The following YBX3 variants were observed in gnomAD, a reference collection of about 807,000 sequenced individuals.
The protein encoded by YBX3 is Y-box-binding protein 3.
A neutral mutation model predicts 42.4 loss-of-function variants in YBX3; 29 were observed. That is an observed-to-expected ratio of 0.68 (90% CI 0.51 to 0.93). YBX3 has a LOEUF of 0.93. YBX3 is among the 40% of genes least tolerant of loss of function. YBX3 has a pLI of 0.00. For missense variants in YBX3, 517 were observed against 527.5 expected (o/e 0.98, Z 0.19); for synonymous variants, 195 against 189.8 (o/e 1.03, Z -0.22).
At chr12:10,700,602 G>A (rs1354887019) in intron 9 of YBX3, among the ~76,000 whole-genome samples, 1 of 152,080 alleles carries the variant, frequency 6.6e-6, no homozygotes, top group Non-Finnish European at 1.5e-5. Flanking sequence ...TTTACGAGAG[G>A]TTATTCTTTA....
intron 3 of YBX3, 43 bp from the exon 4 acceptor site, chr12:10,715,826 A>G: frequency 6.6e-7 from 1 of 1,525,826 alleles, no homozygotes; most frequent in Non-Finnish European, 9.1e-7. Context: ...ATATTTCAAT[A>G]TTGGCCACAG....
At chr12:10,722,711 C>G (rs1033470779) in intron 1 of YBX3, 139 bp downstream of exon 1, 26 of 800,432 alleles carry the variant, frequency 3.2e-5, no homozygotes, top group Non-Finnish European at 4.2e-5. Flanking sequence ...CCCCTGGGGA[C>G]CCGGAGATCC....
Position 10,710,040 on chromosome 12 carries a change from G to A in YBX3, c.648C>T (p.Phe216=), listed in dbSNP as rs375833820. ...GGCGCAGCTGATTCCGGGCCCCAGA[G>A]AACTGCCTATCAGTGGCAGGGGGGT... The part of the protein sequence containing the change: ...GFDPPATDRQ[F]SGARNQLRRP... The change falls in exon 6 of 10, where the codon TTC becomes TTT. Residue 216 remains phenylalanine, a synonymous_variant. Transcript: ENST00000228251. 33 of 1,614,152 alleles carry A rather than the reference G, an allele frequency of 2.0e-5. No homozygotes were observed. Among genetic ancestry groups the A allele is most frequent in the Non-Finnish European group, 2.8e-5 (33 of 1,180,002 alleles).
intron 3 of YBX3, 164 bp from the exon 4 acceptor site, chr12:10,715,947 C>G (rs922438919): frequency 6.6e-6 from 4 of 603,840 alleles, no homozygotes; most frequent in Non-Finnish European, 1.2e-5. Flanking sequence ...AACAAGAAAG[C>G]ACTATAAAAC....
At chr12:10,709,322 C>A (rs1344993658) in intron 6 of YBX3, among the ~76,000 whole-genome samples, 1 of 152,156 alleles carries the variant, frequency 6.6e-6, no homozygotes, top group South Asian at 2.1e-4. Flanking sequence ...AACAGCTGTA[C>A]TAATATTCTG....
At chr12:10,713,113 CAGGAGAA>C in intron 5 of YBX3, 91 bp downstream of exon 5, 1 of 1,332,750 alleles carries the variant, frequency 7.5e-7, no homozygotes, top group Non-Finnish European at 9.9e-7. Flanking sequence ...CATTTGTCTC[CAGGAGAA>C]GACAAGGCAT....
intron 5 of YBX3, chr12:10,711,047 G>C (rs1438464650): frequency 1.3e-5 from 2 of 152,518 alleles, no homozygotes; most frequent in African/African-American, 4.8e-5. Flanking sequence ...ATATGTTTAG[G>C]AGTAAAGCTT....
In YBX3 at chr12:10,704,051, C is replaced by T; in HGVS notation, c.878G>A (p.Ser293Asn). ...RNPTYRPRYR[S>N]RGPPRPRPAP... is the part of the protein sequence containing the mutation. ...GCCATTAGTGGAAAATGCGACATACCTACGGTACCTTGGGCGGTAAGTTGG... is the reference window on the plus strand; with the variant it reads ...GCCATTAGTGGAAAATGCGACATACTTACGGTACCTTGGGCGGTAAGTTGG... The change falls in exon 7 of 10, where the codon AGC becomes AAC. Residue 293 changes from serine (S) to asparagine (N), a missense_variant and splice_region_variant. By Grantham distance (46) the Ser-to-Asn change is conservative. Coordinates refer to ENST00000228251, the MANE Select transcript of YBX3 (RefSeq NM_003651.5). 1 of 1,614,130 alleles carries T rather than the reference C, an allele frequency of 6.2e-7. No homozygotes were observed. The highest frequency in any genetic ancestry group is 8.5e-7 in the Non-Finnish European group (1 of 1,180,010).
rs1126501 is a variant in YBX3, at chr12:10,722,889, T to C, written c.223A>G (p.Thr75Ala). 0.19 allele frequency: 283,440 copies of C among 1,471,404 alleles called. 30,257 individuals are homozygous for C. The highest frequency in any genetic ancestry group is 0.48 in the East Asian group (17,195 of 35,596). The allele number at this position is 1,471,404 out of a possible 1,614,324, so 91.1% of individuals were successfully genotyped here. ...TCCGCGTCTTCGCTGCCGGCGGCGG[T>C]GGCTAAAGAGGCGGCGGCCGCGGTG... Reference protein sequence around the residue: ...TGTAAAASLATAAGSEDAEKK... With the variant: ...TGTAAAASLAAAAGSEDAEKK... Residue 75 changes from threonine (T) to alanine (A), a missense_variant, in exon 1 of 10, where the codon ACC becomes GCC. Physicochemically the swap from Thr to Ala is moderately conservative, Grantham distance 58. Around this residue, in one of 3 missense-constraint regions of YBX3, gnomAD observed 11 missense variants for 36.5 expected, o/e 0.30. Transcript: ENST00000228251.
chr12:10,705,573 G>A (rs1188521243), intron 6 of YBX3, among the ~76,000 whole-genome samples: 2 of 152,142 alleles, frequency 1.3e-5, no homozygotes, highest in Admixed American at 1.3e-4. Flanking sequence ...GTTTCAATTT[G>A]TGCCATTACT....
At position 10,722,843 on chromosome 12, in the gene YBX3, G is replaced by C. The variant is rs759294495; in HGVS notation, c.262+7C>G. On this transcript the variant is annotated splice_region_variant and intron_variant, in intron 1 of 9. Coordinates refer to ENST00000228251, the MANE Select transcript of YBX3 (RefSeq NM_003651.5). Reference sequence around the variant, plus strand: ...CGGCAGCCCCTGCCCTCCCTGGCCTGACTCACCGAGAACTTTTTTCTCCGC... The same window carrying C: ...CGGCAGCCCCTGCCCTCCCTGGCCTCACTCACCGAGAACTTTTTTCTCCGC... 1 of 1,481,324 alleles carries C rather than the reference G, an allele frequency of 6.8e-7. No homozygotes were observed. Among genetic ancestry groups the C allele is most frequent in the Non-Finnish European group, 9.0e-7 (1 of 1,115,672 alleles). 91.8% of individuals were successfully genotyped at this position (1,481,324 alleles called of 1,614,324 possible).
Position 10,699,154 on chromosome 12 carries a change from A to G in YBX3, c.*535T>C, listed in dbSNP as rs1408727042. On this transcript the variant is annotated 3_prime_UTR_variant, in exon 10 of 10. Coordinates refer to ENST00000228251, the MANE Select transcript of YBX3 (RefSeq NM_003651.5). Reference sequence around the variant, plus strand: ...ACTGCACATTTTCAAAGAGAGTCACATAAGAAAGCAAAAATGTTATCCTCC... The same window carrying G: ...ACTGCACATTTTCAAAGAGAGTCACGTAAGAAAGCAAAAATGTTATCCTCC... The G allele has an allele frequency of 2.6e-5, 4 of 152,616 alleles. No homozygotes were observed. The highest frequency in any genetic ancestry group is 1.3e-4 in the Admixed American group (2 of 15,282). The allele number at this position is 152,616 out of a possible 1,614,324, so 9.5% of individuals were successfully genotyped here.
intron 6 of YBX3, among the ~76,000 whole-genome samples, chr12:10,707,489 A>T (rs1452083223): frequency 6.6e-6 from 1 of 152,204 alleles, no homozygotes; most frequent in African/African-American, 2.4e-5. Context: ...AACATTTTCC[A>T]AATCTAACCA....
chr12:10,705,156 C>T (rs1393610331), intron 6 of YBX3, among the ~76,000 whole-genome samples: 1 of 152,134 alleles, frequency 6.6e-6, no homozygotes. Context: ...TGCAGTGGCG[C>T]GATCTCAGCT....
rs185888492 is a variant in YBX3, at chr12:10,714,781, A to C, written c.450+913T>G. Among the ~76,000 whole-genome samples, 799 of 151,696 alleles carry C rather than the reference A, an allele frequency of 5.3e-3. 11 individuals carry two copies. Among genetic ancestry groups the C allele is most frequent in the East Asian group, 0.032 (168 of 5,172 alleles). On this transcript the variant is annotated intron_variant, in intron 4 of 9. Coordinates refer to ENST00000228251, the MANE Select transcript of YBX3 (RefSeq NM_003651.5). ...TCTTTTCTTTTTTTTTTTTTAAAAA[A>C]CGGAATCTTGCTCTGTCCCCCAGGC...
chr12:10,718,243 T>C (rs962167098), intron 2 of YBX3, 122 bp from the exon 3 acceptor site: 5 of 822,760 alleles, frequency 6.1e-6, no homozygotes, highest in Non-Finnish European at 7.5e-6. Flanking sequence ...TTCACTTATT[T>C]TCTACACTCA....
chr12:10,710,480 T>C (rs1212340855), intron 5 of YBX3: 1 of 1,201,252 alleles, frequency 8.3e-7, no homozygotes, highest in Admixed American at 4.0e-5. Context: ...TACCATCCAC[T>C]GAGGCAATGT....
intron 9 of YBX3, among the ~76,000 whole-genome samples, 176 bp from the exon 10 acceptor site, chr12:10,699,830 TCA>T (rs1368623093): frequency 6.6e-6 from 1 of 152,188 alleles, no homozygotes; most frequent in African/African-American, 2.4e-5. Context: ...ATGGAAACTC[TCA>T]CTTTTTAATA....
chr12:10,715,555 A>AC, intron 4 of YBX3, 139 bp downstream of exon 4: 2 of 792,306 alleles, frequency 2.5e-6, no homozygotes, highest in Admixed American at 5.5e-5. Flanking sequence ...AAAAAAAAAA[A>AC]AATTCTGTTT....
Sources: allele counts gnomAD v4.1 joint callset (sites outside exome capture counted in the v4.1 genomes callset), GRCh38; gene constraint gnomAD v4.1.1; regional missense constraint gnomAD v4.1.1; transcripts MANE v1.5; gene names NCBI Gene and HGNC (gene_info 2026-07-23, HGNC 2026-07-21).